The following RANBP17 variants were observed in gnomAD, a reference collection of about 807,000 sequenced individuals.
RANBP17 encodes ran-binding protein 17.
In RANBP17, 158 loss-of-function variants were observed where a neutral mutation model predicts 141.2. The ratio of observed to expected loss-of-function variants is 1.12; its 90% CI spans 0.98 to 1.28. RANBP17 has a LOEUF of 1.28. Among genes scored for constraint, RANBP17 ranks in the 50% most tolerant of loss-of-function variants. The pLI, the probability that RANBP17 is intolerant of heterozygous loss-of-function variation, is 0.00. For missense variants in RANBP17, 1,438 were observed against 1,290.7 expected (o/e 1.11, Z -1.75); for synonymous variants, 430 against 450.0 (o/e 0.96, Z 0.56).
At chr5:171,074,296 C>A (rs1784790442) in intron 14 of RANBP17, among the ~76,000 whole-genome samples, 2 of 152,078 alleles carry the variant, frequency 1.3e-5, no homozygotes, top group South Asian at 4.1e-4. Flanking sequence ...GATTACTACT[C>A]TTCACAAGTG....
At chr5:171,125,953 A>AT (rs1338539593) in intron 14 of RANBP17, among the ~76,000 whole-genome samples, 32 of 152,088 alleles carry the variant, frequency 2.1e-4, no homozygotes, top group Middle Eastern at 3.4e-3. Flanking sequence ...ACACCTGGCT[A>AT]TTTTTTGTAT....
At chr5:170,971,687 CT>C (rs1227820748) in intron 14 of RANBP17, among the ~76,000 whole-genome samples, 1 of 152,206 alleles carries the variant, frequency 6.6e-6, no homozygotes, top group Non-Finnish European at 1.5e-5. Context: ...TGTATCCAAT[CT>C]GTCACCTAAT....
intron 14 of RANBP17, among the ~76,000 whole-genome samples, chr5:171,035,710 T>TTG: frequency 6.6e-6 from 1 of 150,756 alleles, no homozygotes; most frequent in African/African-American, 2.4e-5. Context: ...CTTTTAGCCA[T>TTG]TGTTTGCACT....
intron 13 of RANBP17, among the ~76,000 whole-genome samples, chr5:170,954,511 TAC>T (rs71787034): frequency 0.26 from 31,998 of 125,310 alleles, 3,942 homozygotes; most frequent in African/African-American, 0.37. Context: ...TGGTATATTT[TAC>T]ACACACACAC....
At chr5:170,945,203 G>A (rs984336722) in intron 12 of RANBP17, among the ~76,000 whole-genome samples, 1 of 152,042 alleles carries the variant, frequency 6.6e-6, no homozygotes, top group Admixed American at 6.5e-5. Context: ...ATGGCTAGTC[G>A]TAACTAGCTT....
At chr5:170,941,444 T>C (rs1774317375) in intron 12 of RANBP17, among the ~76,000 whole-genome samples, 1 of 152,136 alleles carries the variant, frequency 6.6e-6, no homozygotes, top group South Asian at 2.1e-4. Flanking sequence ...TCATTCTTGC[T>C]ATTTCCAGAG....
rs372176772 is a variant in RANBP17, at chr5:171,280,161, G to A, written c.2944-13722G>A. Among the ~76,000 whole-genome samples the A allele has an allele frequency of 1.3e-3, 198 of 152,304 alleles. 9 individuals carry two copies. In the South Asian group the frequency reaches 0.04, roughly 30 times the overall value. On this transcript the variant is annotated intron_variant, in intron 25 of 27. Coordinates refer to ENST00000523189, the MANE Select transcript of RANBP17 (RefSeq NM_022897.5). ...TGGTTTTTCACATACTTGCAGGTTA[G>A]ATTATGTGATTCCCAAAGTGTAGTG...
intron 18 of RANBP17, among the ~76,000 whole-genome samples, chr5:171,194,364 C>T (rs977634755): frequency 1.3e-5 from 2 of 152,110 alleles, no homozygotes; most frequent in African/African-American, 4.8e-5. Flanking sequence ...GTAATTGCTT[C>T]TCTTCTCCCC....
intron 22 of RANBP17, 113 bp downstream of exon 22, chr5:171,221,953 A>ATACAT (rs1367750059): frequency 7.0e-6 from 5 of 710,410 alleles, no homozygotes; most frequent in Non-Finnish European, 9.3e-6. Flanking sequence ...GAATTTGTGA[A>ATACAT]GTCGGTAATA....
At chr5:171,126,884 T>C (rs1340508228) in intron 14 of RANBP17, among the ~76,000 whole-genome samples, 1 of 152,196 alleles carries the variant, frequency 6.6e-6, no homozygotes, top group African/African-American at 2.4e-5. Flanking sequence ...TACTGAATTT[T>C]ACCAAACTTA....
At chr5:171,057,605 G>A (rs1248443324) in intron 14 of RANBP17, among the ~76,000 whole-genome samples, 1 of 152,074 alleles carries the variant, frequency 6.6e-6, no homozygotes, top group Non-Finnish European at 1.5e-5. Flanking sequence ...TTGTGATTAT[G>A]TATTTATTAG....
chr5:171,145,240 A>G (rs1757958281), intron 14 of RANBP17, among the ~76,000 whole-genome samples: 1 of 152,148 alleles, frequency 6.6e-6, no homozygotes, highest in African/African-American at 2.4e-5. Flanking sequence ...AGCCCCAAAC[A>G]GTTGGTCTTT....
At chr5:170,919,659 G>A in intron 11 of RANBP17, 46 bp downstream of exon 11, 1 of 1,400,642 alleles carries the variant, frequency 7.1e-7, no homozygotes, top group Non-Finnish European at 9.6e-7. Context: ...TTTGACACTT[G>A]GAATTTTTTA....
intron 14 of RANBP17, among the ~76,000 whole-genome samples, chr5:171,058,266 T>C (rs1360432732): frequency 6.6e-6 from 1 of 150,444 alleles, no homozygotes; most frequent in Non-Finnish European, 1.5e-5. Context: ...ACCCATTAAC[T>C]CATCATTTAG....
At position 170,892,844 on chromosome 5, in the gene RANBP17, TG is replaced by T. The variant is rs1361699796; in HGVS notation, c.423+292del. On this transcript the variant is annotated intron_variant, in intron 4 of 27. Coordinates refer to ENST00000523189, the MANE Select transcript of RANBP17 (RefSeq NM_022897.5). ...CTGTATATATAAAACATGTATATAA[TG>T]CTTTTCATAGATTATGTAATTAAAT... 2.0e-5 allele frequency among the ~76,000 whole-genome samples: 3 copies of T among 152,312 alleles called. No homozygotes were observed. The South Asian group carries it at 6.2e-4, about 32-fold the overall frequency.
chr5:170,975,036 C>T (rs1324759805), intron 14 of RANBP17, among the ~76,000 whole-genome samples: 3 of 152,112 alleles, frequency 2.0e-5, no homozygotes, highest in Admixed American at 6.5e-5. Context: ...TTTCCTTGTC[C>T]CTGCCAGTCC....
intron 25 of RANBP17, among the ~76,000 whole-genome samples, chr5:171,278,115 G>A (rs1414777237): frequency 6.6e-6 from 1 of 151,902 alleles, no homozygotes; most frequent in Non-Finnish European, 1.5e-5. Context: ...TCAGCAATTT[G>A]AGAAGCTGAA....
intron 24 of RANBP17, among the ~76,000 whole-genome samples, chr5:171,245,957 C>G (rs1387293050): frequency 6.6e-6 from 1 of 150,906 alleles, no homozygotes; most frequent in East Asian, 2.0e-4. Flanking sequence ...CGGCTCACTG[C>G]AACCTCCGCC....
At chr5:171,223,718 T>TAAAAA in intron 22 of RANBP17, among the ~76,000 whole-genome samples, 1 of 152,362 alleles carries the variant, frequency 6.6e-6, no homozygotes, top group South Asian at 2.1e-4. Context: ...TAAAAAATTT[T>TAAAAA]CTAAATACAA....
Sources: gnomAD v4.1 joint callset for allele counts (sites outside exome capture counted in the v4.1 genomes callset) on GRCh38, gnomAD v4.1.1 for gene constraint, MANE v1.5 for transcripts, NCBI Gene and HGNC (gene_info 2026-07-23, HGNC 2026-07-21) for gene names.